Variants in NRXN3 observed in about 807,000 individuals in gnomAD.
The protein encoded by NRXN3 is neurexin 3.
Under a neutral mutation model 137.6 loss-of-function variants are expected in NRXN3, and 32 were observed. The ratio of observed to expected loss-of-function variants is 0.23; its 90% CI spans 0.18 to 0.31. The LOEUF (loss-of-function observed/expected upper bound fraction) is 0.31. Ranked by LOEUF, NRXN3 falls within the 10% of genes least tolerant of loss-of-function variation. NRXN3 has a pLI of 1.00. For synonymous variants in NRXN3, 798 were observed against 784.5 expected (o/e 1.02, Z -0.29); for missense variants, 1,574 against 2,062.5 (o/e 0.76, Z 4.59).
chr14:78,903,979 A>G (rs2099206487), intron 10 of NRXN3, among the ~76,000 whole-genome samples: 1 of 151,950 alleles, frequency 6.6e-6, no homozygotes, highest in East Asian at 1.9e-4. Flanking sequence ...TTTACGGCAC[A>G]CTCCTTTGAG....
intron 20 of NRXN3, among the ~76,000 whole-genome samples, chr14:79,807,198 T>C (rs1442381749): frequency 1.3e-5 from 2 of 151,566 alleles, no homozygotes; most frequent in Non-Finnish European, 2.9e-5. Context: ...TGGTCTCGAG[T>C]TCCAGGCCTC....
intron 16 of NRXN3, among the ~76,000 whole-genome samples, chr14:79,639,849 C>T (rs1322255560): frequency 2.0e-5 from 3 of 152,142 alleles, no homozygotes; most frequent in Non-Finnish European, 4.4e-5. Context: ...TAACTTTTGG[C>T]TTCTGTTTCC....
chr14:79,630,832 C>T (rs1484155451), intron 16 of NRXN3, among the ~76,000 whole-genome samples: 1 of 152,186 alleles, frequency 6.6e-6, no homozygotes, highest in African/African-American at 2.4e-5. Context: ...GTTCTCAAGA[C>T]TTATCTCTTC....
chr14:79,387,242 A>C (rs1286660774), intron 15 of NRXN3, among the ~76,000 whole-genome samples: 9 of 152,080 alleles, frequency 5.9e-5, no homozygotes, highest in Admixed American at 5.2e-4. Flanking sequence ...CAATGAACTC[A>C]AACAAATTTA....
At chr14:78,588,429 C>A (rs1485984510) in intron 4 of NRXN3, among the ~76,000 whole-genome samples, 7 of 152,176 alleles carry the variant, frequency 4.6e-5, no homozygotes, top group Admixed American at 4.6e-4. Context: ...TGGGACATGT[C>A]TCCTCTTTCA....
chr14:78,867,104 C>A (rs2152552634), intron 10 of NRXN3, among the ~76,000 whole-genome samples: 1 of 152,102 alleles, frequency 6.6e-6, no homozygotes, highest in Admixed American at 6.6e-5. Flanking sequence ...GCAGTATTAC[C>A]CTTATATTTT....
At chr14:78,503,879 G>T (rs955921996) in intron 4 of NRXN3, among the ~76,000 whole-genome samples, 2 of 152,250 alleles carry the variant, frequency 1.3e-5, no homozygotes, top group East Asian at 3.9e-4. Context: ...ACTGACTTGC[G>T]TGATAAGTTA....
At chr14:79,484,018 A>T (rs780058239) in intron 16 of NRXN3, among the ~76,000 whole-genome samples, 1 of 152,122 alleles carries the variant, frequency 6.6e-6, no homozygotes, top group Non-Finnish European at 1.5e-5. Flanking sequence ...TGGTAGTTCA[A>T]GGTTCGATTT....
chr14:78,834,836 T>C (rs2098991845), intron 10 of NRXN3, among the ~76,000 whole-genome samples: 1 of 152,118 alleles, frequency 6.6e-6, no homozygotes, highest in Non-Finnish European at 1.5e-5. Flanking sequence ...CACTTGACCC[T>C]GCCCTGCTAA....
intron 6 of NRXN3, among the ~76,000 whole-genome samples, chr14:78,700,648 C>T (rs2098269275): frequency 6.6e-6 from 1 of 152,082 alleles, no homozygotes; most frequent in Non-Finnish European, 1.5e-5. Flanking sequence ...TATTTGTTAA[C>T]TTAGTAGAAG....
At chr14:79,238,790 G>A (rs2073845310) in intron 15 of NRXN3, among the ~76,000 whole-genome samples, 1 of 152,080 alleles carries the variant, frequency 6.6e-6, no homozygotes, top group Non-Finnish European at 1.5e-5. Context: ...CATTATTTAT[G>A]TGTAATTTGG....
Position 79,484,645 on chromosome 14 carries a change from G to T in NRXN3, c.3444+17243G>T, listed in dbSNP as rs115681790. 3.5e-3 allele frequency among the ~76,000 whole-genome samples: 526 copies of T among 152,206 alleles called. 3 individuals are homozygous for T. The highest frequency in any genetic ancestry group is 0.012 in the African/African-American group (501 of 41,538). ...ATCTGCCTGACCCCTGGAGACATTT[G>T]ATTTTGTGCTTCCTCTCACACAGAA... On this transcript the variant is annotated intron_variant, in intron 16 of 20. Coordinates refer to ENST00000335750, the MANE Select transcript of NRXN3 (RefSeq NM_001330195.2).
At chr14:78,455,738 G>A (rs1366936121) in intron 4 of NRXN3, among the ~76,000 whole-genome samples, 1 of 152,058 alleles carries the variant, frequency 6.6e-6, no homozygotes, top group African/African-American at 2.4e-5. Context: ...TCATTGATCT[G>A]TTGAAAGCCA....
chr14:78,574,709 G>T (rs1448572277), intron 4 of NRXN3, among the ~76,000 whole-genome samples: 1 of 152,220 alleles, frequency 6.6e-6, no homozygotes, highest in Non-Finnish European at 1.5e-5. Context: ...CTCATAGGTG[G>T]AAGGGATTTG....
intron 4 of NRXN3, among the ~76,000 whole-genome samples, chr14:78,622,333 G>T (rs2097414391): frequency 6.6e-6 from 1 of 152,206 alleles, no homozygotes; most frequent in Non-Finnish European, 1.5e-5. Context: ...TATATCTCAT[G>T]CCACATTTCA....
chr14:78,799,855 G>C (rs1174715847), intron 8 of NRXN3, among the ~76,000 whole-genome samples: 1 of 152,036 alleles, frequency 6.6e-6, no homozygotes, highest in Non-Finnish European at 1.5e-5. Context: ...ACTACCATGA[G>C]AGCAGTATGG....
intron 15 of NRXN3, among the ~76,000 whole-genome samples, chr14:79,122,403 A>C (rs1410179888): frequency 1.3e-5 from 2 of 152,180 alleles, no homozygotes; most frequent in Non-Finnish European, 2.9e-5. Context: ...AACAATGTAC[A>C]CATAGTGGGA....
chr14:78,797,161 G>A (rs954672139), intron 8 of NRXN3, among the ~76,000 whole-genome samples: 25 of 152,276 alleles, frequency 1.6e-4, no homozygotes, highest in Admixed American at 9.8e-4. Context: ...GGGGGGAGAC[G>A]AGAGCCGTCT....
chr14:78,412,222 G>A (rs774344949), intron 4 of NRXN3, among the ~76,000 whole-genome samples: 1 of 152,182 alleles, frequency 6.6e-6, no homozygotes, highest in Non-Finnish European at 1.5e-5. Flanking sequence ...AGTGAGCTGT[G>A]AGCCCAATAA....
Sources: allele counts gnomAD v4.1 joint callset (sites outside exome capture counted in the v4.1 genomes callset), GRCh38; gene constraint gnomAD v4.1.1; transcripts MANE v1.5; gene names NCBI Gene and HGNC (gene_info 2026-07-23, HGNC 2026-07-21).